The following NSD3 variants were observed in gnomAD, a reference collection of about 807,000 sequenced individuals.
NSD3 encodes the protein histone-lysine N-methyltransferase NSD3.
A neutral mutation model predicts 160.8 loss-of-function variants in NSD3; 24 were observed. The ratio of observed to expected loss-of-function variants is 0.15; its 90% CI spans 0.11 to 0.21. The LOEUF (loss-of-function observed/expected upper bound fraction) is 0.21, where lower values mean the gene tolerates loss of function less well. NSD3 is among the 10% of genes least tolerant of loss of function. NSD3 has a pLI of 1.00. For missense variants in NSD3, 1,157 were observed against 1,735.9 expected, an observed-to-expected ratio of 0.67 and a Z score of 5.93; for synonymous variants, 520 against 600.0, an observed-to-expected ratio of 0.87 and a Z score of 1.95.
chr8:38,290,781 T>TTAA (rs1808983392), intron 16 of NSD3, 104 bp from the exon 17 acceptor site: 1 of 1,031,242 alleles, frequency 9.7e-7, no homozygotes, highest in Non-Finnish European at 1.4e-6. Flanking sequence ...TTTGCAATTT[T>TTAA]CATTCAGATT....
chr8:38,362,298 A>C (rs1054380147), intron 1 of NSD3, among the ~76,000 whole-genome samples: 4 of 143,292 alleles, frequency 2.8e-5, no homozygotes, highest in Non-Finnish European at 6.1e-5. Flanking sequence ...AACAATTTAA[A>C]AAGCTTAATA....
intron 19 of NSD3, among the ~76,000 whole-genome samples, chr8:38,282,532 G>A (rs540606349): frequency 2.2e-4 from 34 of 152,302 alleles, no homozygotes; most frequent in South Asian, 6.2e-4. Context: ...TTGGTCAGGC[G>A]TGGTGGCACA....
At position 38,274,449 on chromosome 8, in the gene NSD3, A is replaced by G. The variant is rs562761513; in HGVS notation, c.*1192T>C. ...TGTAAAAGTAGAAGTTCTTCCCCTTACTCAATGGGAGCAATCTTAAGTACT... is the reference window on the plus strand; with the variant it reads ...TGTAAAAGTAGAAGTTCTTCCCCTTGCTCAATGGGAGCAATCTTAAGTACT... On this transcript the variant is annotated 3_prime_UTR_variant, in exon 24 of 24. Coordinates refer to ENST00000317025, the MANE Select transcript of NSD3 (RefSeq NM_023034.2). 1 of 152,172 alleles carries G rather than the reference A, an allele frequency of 6.6e-6. No individual in the cohort carries two copies. The highest frequency in any genetic ancestry group is 1.5e-5 in the Non-Finnish European group (1 of 68,036). 9.4% of individuals were successfully genotyped at this position (152,172 alleles called of 1,614,324 possible).
chr8:38,350,797 C>T (rs1391232177), intron 1 of NSD3, among the ~76,000 whole-genome samples: 2 of 151,864 alleles, frequency 1.3e-5, no homozygotes, highest in African/African-American at 4.8e-5. Flanking sequence ...AGTAGGTGTC[C>T]GAAGATGCCT....
Position 38,271,353 on chromosome 8 carries a change from G to A in NSD3, c.*4288C>T, listed in dbSNP as rs1476370380. 6.6e-6 allele frequency: 1 copy of A among 152,148 alleles called. No individual in the cohort carries two copies. Among genetic ancestry groups the A allele is most frequent in the South Asian group, 2.1e-4 (1 of 4,818 alleles). 9.4% of individuals were successfully genotyped at this position (152,148 alleles called of 1,614,324 possible). A position where few individuals can be genotyped will look rare whatever the true frequency, so the allele number is the denominator to read the frequency against. On this transcript the variant is annotated 3_prime_UTR_variant, in exon 24 of 24. Coordinates refer to ENST00000317025, the MANE Select transcript of NSD3 (RefSeq NM_023034.2). Reference sequence around the variant, plus strand: ...AAAAACCTGAATTCAATGAGGCAGAGGTCTCAATGTTAAAGTGACTATTTC... The same window carrying A: ...AAAAACCTGAATTCAATGAGGCAGAAGTCTCAATGTTAAAGTGACTATTTC...
chr8:38,363,156 G>A (rs934729639), intron 1 of NSD3, among the ~76,000 whole-genome samples: 3 of 152,222 alleles, frequency 2.0e-5, no homozygotes, highest in Non-Finnish European at 4.4e-5. Flanking sequence ...GCTCACTGCT[G>A]TATCCCCATC....
At chr8:38,371,815 C>A (rs1267012059) in intron 1 of NSD3, among the ~76,000 whole-genome samples, 1 of 152,108 alleles carries the variant, frequency 6.6e-6, no homozygotes, top group Non-Finnish European at 1.5e-5. Context: ...GAGTTGTACG[C>A]AAATAGACCG....
chr8:38,308,512 C>T (rs1422202135), intron 12 of NSD3, among the ~76,000 whole-genome samples: 1 of 152,104 alleles, frequency 6.6e-6, no homozygotes, highest in Non-Finnish European at 1.5e-5. Context: ...ATAAACTACT[C>T]TCTGTAAAAA....
intron 1 of NSD3, among the ~76,000 whole-genome samples, chr8:38,366,110 CAA>C (rs757397268): frequency 9.0e-5 from 4 of 44,328 alleles, no homozygotes; most frequent in African/African-American, 8.1e-5. Flanking sequence ...GACTCTGTCT[CAA>C]AAAAAAAAAA....
intron 6 of NSD3, among the ~76,000 whole-genome samples, chr8:38,327,092 C>T (rs545751741): frequency 6.6e-6 from 1 of 151,802 alleles, no homozygotes; most frequent in Admixed American, 6.6e-5. Flanking sequence ...CTCTGTCGCC[C>T]AGGCTGGAGT....
At position 38,338,625 on chromosome 8, in the gene NSD3, G is replaced by A. The variant is rs1810282885; in HGVS notation, c.676-18C>T. On this transcript the variant is annotated intron_variant, in intron 2 of 23. Coordinates refer to ENST00000317025, the MANE Select transcript of NSD3 (RefSeq NM_023034.2). ...TTTGGTCTCTAGGTGAAAAGGTATA[G>A]GTAAGTAGAATAAAATGGCATTAAA... is the stretch of plus-strand genomic sequence containing the variant. The A allele has an allele frequency of 1.3e-6, 2 of 1,595,864 alleles. No individual in the cohort carries two copies. The highest frequency in any genetic ancestry group is 1.3e-5 in the African/African-American group (1 of 74,480).
chr8:38,342,703 T>A (rs28460372), intron 2 of NSD3, among the ~76,000 whole-genome samples: 2 of 151,050 alleles, frequency 1.3e-5, no homozygotes, highest in African/African-American at 4.9e-5. Context: ...AAGTAGCTGG[T>A]ATTACAGGCA....
chr8:38,373,451 T>TA (rs1563372339), intron 1 of NSD3, among the ~76,000 whole-genome samples: 49 of 152,200 alleles, frequency 3.2e-4, no homozygotes, highest in Non-Finnish European at 2.9e-5. Context: ...TGCTTTTTTT[T>TA]ATATTTCACA....
intron 16 of NSD3, among the ~76,000 whole-genome samples, chr8:38,295,072 A>G (rs1260742601): frequency 6.8e-6 from 1 of 147,482 alleles, no homozygotes; most frequent in African/African-American, 2.5e-5. Context: ...TGAACCCGGG[A>G]GCCGGAGCTT....
At position 38,305,363 on chromosome 8, in the gene NSD3, A is replaced by G. The variant is rs1215533442; in HGVS notation, c.2325T>C (p.His775=). Residue 775 remains histidine, a synonymous_variant, in exon 13 of 24, where the codon CAT becomes CAC. Coordinates refer to ENST00000317025, the MANE Select transcript of NSD3 (RefSeq NM_023034.2). ...CSVGACGKFY[H]EACVRKFPTA... is the part of the protein sequence containing the mutation. ...TGGGGAATTTGCGGACACAGGCTTC[A>G]TGATAAAATTTCCCACAAGCACCAA... The G allele has an allele frequency of 1.9e-6, 3 of 1,614,122 alleles. No homozygotes were observed. Among genetic ancestry groups the G allele is most frequent in the African/African-American group, 1.3e-5 (1 of 74,944 alleles).
chr8:38,306,997 C>A (rs1437063174), intron 12 of NSD3, among the ~76,000 whole-genome samples: 2 of 151,242 alleles, frequency 1.3e-5, no homozygotes, highest in African/African-American at 4.9e-5. Context: ...CGCCTGTAGT[C>A]GCAGCTACTC....
intron 1 of NSD3, among the ~76,000 whole-genome samples, chr8:38,358,101 C>T (rs1036895143): frequency 4.6e-5 from 7 of 151,882 alleles, no homozygotes; most frequent in Non-Finnish European, 1.0e-4. Context: ...ATATTTAAAA[C>T]CTTATTAATG....
In NSD3 at chr8:38,317,861, C is replaced by A; in HGVS notation, c.1855+1034G>T. 6 of 1,557,452 alleles carry A rather than the reference C, an allele frequency of 3.9e-6. No homozygotes were observed. Among genetic ancestry groups the A allele is most frequent in the South Asian group, 1.2e-5 (1 of 84,168 alleles). On this transcript the variant is annotated intron_variant, in intron 9 of 23. Transcript: ENST00000317025. The surrounding 1 kb of genome is among the most constrained non-coding windows in gnomAD (Gnocchi z 5.3). ...TAATGATGATTGGCGAAATCAAAATCGAAAACAAAGAAACTGTTTATCAAG... is the reference window on the plus strand; with the variant it reads ...TAATGATGATTGGCGAAATCAAAATAGAAAACAAAGAAACTGTTTATCAAG...
chr8:38,347,951 G>A lies in NSD3; in HGVS notation c.221C>T (p.Pro74Leu). 6.2e-7 allele frequency: 1 copy of A among 1,614,180 alleles called. No homozygotes were observed. Among genetic ancestry groups the A allele is most frequent in the Non-Finnish European group, 8.5e-7 (1 of 1,180,020 alleles). ...AGTTTCATACACACTGATTGATGATGGATACCCATTTGTGAGTGGAGGAAG... is the reference window on the plus strand; with the variant it reads ...AGTTTCATACACACTGATTGATGATAGATACCCATTTGTGAGTGGAGGAAG... The part of the protein sequence containing the change: ...EDLPPLTNGY[P>L]SSISVYETQT... Residue 74 changes from proline to leucine, a missense_variant, in exon 2 of 24, where the codon CCA (proline) becomes CTA (leucine). By Grantham distance (98) the Pro-to-Leu change is moderately conservative. Around this residue, in one of 10 missense-constraint regions of NSD3, gnomAD observed 121 missense variants for 177.2 expected, o/e 0.68. Coordinates refer to ENST00000317025, the MANE Select transcript of NSD3 (RefSeq NM_023034.2).
Sources: gnomAD v4.1 joint callset for allele counts (sites outside exome capture counted in the v4.1 genomes callset) on GRCh38, gnomAD v4.1.1 for gene constraint, gnomAD v4.1.1 regional missense constraint, Gnocchi (gnomAD v3.1) non-coding constraint, MANE v1.5 for transcripts, NCBI Gene and HGNC (gene_info 2026-07-23, HGNC 2026-07-21) for gene names.